MALRD1: variants seen among roughly 807,000 people sequenced by gnomAD.
MALRD1 encodes the protein MAM and LDL receptor class A domain containing 1, also known as MAM and LDL-receptor class A domain-containing protein 1.
Under a neutral mutation model 242.1 loss-of-function variants are expected in MALRD1, and 247 were observed. The ratio of observed to expected loss-of-function variants is 1.02; its 90% CI spans 0.92 to 1.13. The LOEUF is 1.13. Ranked by LOEUF, MALRD1 falls within the 50% of genes most tolerant of loss-of-function variation. MALRD1 has a pLI of 0.00. For synonymous variants in MALRD1, 995 were observed against 866.6 expected (o/e 1.15, Z -2.60); for missense variants, 2,989 against 2,533.1 (o/e 1.18, Z -3.86).
chr10:19,456,752 T>TTTAG (rs1835673012), intron 29 of MALRD1, among the ~76,000 whole-genome samples: 1 of 128,786 alleles, frequency 7.8e-6, no homozygotes, highest in African/African-American at 3.7e-5. Flanking sequence ...AAAAGTGACA[T>TTTAG]TTATTTATTT....
At chr10:19,402,530 C>T (rs1846909851) in intron 28 of MALRD1, among the ~76,000 whole-genome samples, 2 of 152,266 alleles carry the variant, frequency 1.3e-5, no homozygotes, top group Non-Finnish European at 2.9e-5. Context: ...GAGGCCTCCC[C>T]AGCCATGTGG....
intron 28 of MALRD1, among the ~76,000 whole-genome samples, chr10:19,449,275 C>G (rs771616526): frequency 1.3e-5 from 2 of 152,180 alleles, no homozygotes; most frequent in African/African-American, 2.4e-5. Context: ...CTCCTGGGTT[C>G]AAGTGATTCT....
rs148324352 is a variant in MALRD1, at chr10:19,146,363, TA to T, written c.1558+28del. ...AATCATGGTAGGACATTTTCCTCTT[TA>T]AAAAAAAATAGTTTTCTTTCTTGCA... On this transcript the variant is annotated intron_variant, in intron 11 of 39. Transcript: ENST00000454679. 2.4e-4 allele frequency: 293 copies of T among 1,200,774 alleles called. 2 individuals carry two copies. In the African/African-American group the frequency reaches 2.5e-3, roughly 10 times the overall value. The allele number at this position is 1,200,774 out of a possible 1,614,324, so 74.4% of individuals were successfully genotyped here.
chr10:19,226,588 CT>C (rs1837811541), intron 18 of MALRD1, among the ~76,000 whole-genome samples: 1 of 151,744 alleles, frequency 6.6e-6, no homozygotes, highest in African/African-American at 2.4e-5. Context: ...CTTATAGGTC[CT>C]TTTGGATAAA....
At chr10:19,472,774 A>T (rs1428503744) in intron 29 of MALRD1, among the ~76,000 whole-genome samples, 2 of 151,676 alleles carry the variant, frequency 1.3e-5, no homozygotes, top group Non-Finnish European at 3.0e-5. Context: ...TTATGTTGTT[A>T]TCTGGCCTTT....
At chr10:19,297,668 T>G (rs1470828974) in intron 21 of MALRD1, among the ~76,000 whole-genome samples, 1 of 151,820 alleles carries the variant, frequency 6.6e-6, no homozygotes, top group Non-Finnish European at 1.5e-5. Context: ...TTATAGCTAT[T>G]TTGCATACAA....
rs71388859 is a variant in MALRD1 at position 19,705,804 on chromosome 10, T to TGAAAAAAAAAAAAA, written c.6314+13250_6314+13251insGAAAAAAAAAAAAA. ...ACCTTGTTCTCATGTCCTGCAATAG[T>TGAAAAAAAAAAAAA]AAAAAAAAAAAAAAGCCCACAAGAG... On this transcript the variant is annotated intron_variant, in intron 38 of 39. Coordinates refer to ENST00000454679, the MANE Select transcript of MALRD1 (RefSeq NM_001142308.3). Among the ~76,000 whole-genome samples, 33 of 102,872 alleles carry TGAAAAAAAAAAAAA rather than the reference T, an allele frequency of 3.2e-4. 3 individuals are homozygous for TGAAAAAAAAAAAAA. Among genetic ancestry groups the TGAAAAAAAAAAAAA allele is most frequent in the South Asian group, 1.1e-3 (3 of 2,714 alleles). The allele number at this position is 102,872 out of a possible 152,430, so 67.5% of individuals were successfully genotyped here.
intron 19 of MALRD1, among the ~76,000 whole-genome samples, chr10:19,272,273 T>C (rs1840285540): frequency 6.6e-6 from 1 of 152,080 alleles, no homozygotes; most frequent in South Asian, 2.1e-4. Flanking sequence ...CATTAAATTT[T>C]TTTTTATTTT....
chr10:19,417,139 T>G (rs182730480), intron 28 of MALRD1, among the ~76,000 whole-genome samples: 74 of 152,322 alleles, frequency 4.9e-4, no homozygotes, highest in African/African-American at 1.4e-3. Flanking sequence ...TCTTCCAGTT[T>G]CTAAATACTG....
intron 21 of MALRD1, among the ~76,000 whole-genome samples, chr10:19,313,793 A>G (rs916200500): frequency 2.6e-5 from 4 of 151,502 alleles, no homozygotes; most frequent in Non-Finnish European, 5.9e-5. Flanking sequence ...GTTATTCTCC[A>G]GTGAATGTCA....
chr10:19,486,393 G>A (rs1438232654), intron 29 of MALRD1, among the ~76,000 whole-genome samples: 1 of 152,082 alleles, frequency 6.6e-6, no homozygotes, highest in East Asian at 1.9e-4. Flanking sequence ...ATGTTTACTT[G>A]CTTAGGACTT....
chr10:19,356,714 G>A (rs1844652524), intron 26 of MALRD1, among the ~76,000 whole-genome samples: 1 of 152,078 alleles, frequency 6.6e-6, no homozygotes, highest in Non-Finnish European at 1.5e-5. Flanking sequence ...CAGCACTCTA[G>A]GGCACTTTTG....
intron 18 of MALRD1, among the ~76,000 whole-genome samples, chr10:19,242,291 G>A (rs1166894413): frequency 6.6e-6 from 1 of 152,112 alleles, no homozygotes; most frequent in African/African-American, 2.4e-5. Flanking sequence ...CAGTATGGGG[G>A]AAACCGCCCC....
At chr10:19,338,315 T>G (rs1242433218) in intron 24 of MALRD1, among the ~76,000 whole-genome samples, 1 of 151,628 alleles carries the variant, frequency 6.6e-6, no homozygotes, top group Admixed American at 6.6e-5. Flanking sequence ...AAATCCTCTA[T>G]GCTCCGCTTG....
intron 1 of MALRD1, among the ~76,000 whole-genome samples, chr10:19,062,210 C>T (rs561828559): frequency 2.4e-4 from 36 of 152,024 alleles, no homozygotes; most frequent in African/African-American, 8.2e-4. Flanking sequence ...AAATAAAAAC[C>T]ACAATGAGAT....
chr10:19,648,759 A>G (rs1291267365), intron 36 of MALRD1, among the ~76,000 whole-genome samples: 2 of 152,154 alleles, frequency 1.3e-5, no homozygotes, highest in Admixed American at 1.3e-4. Context: ...TTAAACTTAT[A>G]GTTTTGGGAG....
chr10:19,240,173 T>G (rs138346797), intron 18 of MALRD1, among the ~76,000 whole-genome samples: 2 of 152,162 alleles, frequency 1.3e-5, no homozygotes, highest in African/African-American at 4.8e-5. Flanking sequence ...TTTCCATCAG[T>G]GTGTTATAGT....
Position 19,088,113 on chromosome 10 carries a change from GC to G in MALRD1, c.526del (p.Gln176LysfsTer66). 1 of 1,233,460 alleles carries G rather than the reference GC, an allele frequency of 8.1e-7. No individual in the cohort carries two copies. The highest frequency in any genetic ancestry group is 1.0e-6 in the Non-Finnish European group (1 of 987,862). 76.4% of individuals were successfully genotyped at this position (1,233,460 alleles called of 1,614,324 possible). The stretch of plus-strand genomic sequence containing the variant: ...GTGGAGGTCCTATTCAGCATTTATG[GC>G]AAAACACAGCTGCACTCCCAAATCA... ...ACGGPIQHLW[Q>X]NTAALPNQWE... On this transcript the variant is annotated frameshift_variant, in exon 4 of 40. Coordinates refer to ENST00000454679, the MANE Select transcript of MALRD1 (RefSeq NM_001142308.3). LOFTEE classifies it high-confidence loss of function.
intron 34 of MALRD1, among the ~76,000 whole-genome samples, chr10:19,598,680 C>T (rs1838221104): frequency 1.3e-5 from 2 of 151,884 alleles, no homozygotes; most frequent in Non-Finnish European, 2.9e-5. Flanking sequence ...ATATAAAGCT[C>T]AGGAGAGAGC....
Sources: allele counts gnomAD v4.1 joint callset (sites outside exome capture counted in the v4.1 genomes callset), GRCh38; gene constraint gnomAD v4.1.1; transcripts MANE v1.5; gene names NCBI Gene and HGNC (gene_info 2026-07-23, HGNC 2026-07-21).